Variants in NDNF observed in about 807,000 individuals in gnomAD.
NDNF encodes neuron derived neurotrophic factor, also known as protein NDNF.
In NDNF, 16 loss-of-function variants were observed where a neutral mutation model predicts 42.0. That is an observed-to-expected ratio of 0.38 (90% CI 0.26 to 0.58). The LOEUF (loss-of-function observed/expected upper bound fraction) is 0.58. Ranked by LOEUF, NDNF falls within the 20% of genes least tolerant of loss-of-function variation. NDNF has a pLI of 0.67. For missense variants in NDNF, 616 were observed against 666.2 expected, an observed-to-expected ratio of 0.92 and a Z score of 0.83; for synonymous variants, 248 against 251.7, an observed-to-expected ratio of 0.99 and a Z score of 0.14.
chr4:121,049,622 C>A (rs1326478978), intron 1 of NDNF, among the ~76,000 whole-genome samples: 2 of 152,160 alleles, frequency 1.3e-5, no homozygotes, highest in African/African-American at 4.8e-5. Flanking sequence ...AATCTCAAGT[C>A]TTTCATAGTC....
chr4:121,039,218 A>AC (rs368947540), intron 3 of NDNF, among the ~76,000 whole-genome samples: 853 of 41,434 alleles, frequency 0.021, 122 homozygotes, highest in Non-Finnish European at 0.049. Flanking sequence ...ATATATATAT[A>AC]TATATATATA....
chr4:121,039,972 T>C lies in NDNF; in HGVS notation c.271A>G (p.Ser91Gly). The change falls in exon 3 of 4, where the codon AGC becomes GGC. Residue 91 changes from serine to glycine, a missense_variant. Physicochemically the swap from Ser to Gly is moderately conservative, Grantham distance 56 (BLOSUM62 0). Coordinates refer to ENST00000379692, the MANE Select transcript of NDNF (RefSeq NM_024574.4). ...PCDAPLEWKL[S>G]LQELPEDRSG... ...CTGTCCTCTGGCAGCTCCTGGAGGC[T>C]CAGCTTCCACTCCAAAGGCGCATCA... 1 of 1,614,078 alleles carries C rather than the reference T, an allele frequency of 6.2e-7. No individual in the cohort carries two copies. Among genetic ancestry groups the C allele is most frequent in the Non-Finnish European group, 8.5e-7 (1 of 1,179,992 alleles).
intron 1 of NDNF, among the ~76,000 whole-genome samples, chr4:121,052,210 C>T (rs1727210214): frequency 6.6e-6 from 1 of 152,112 alleles, no homozygotes; most frequent in African/African-American, 2.4e-5. Context: ...AGATTCATCA[C>T]TATAAATATA....
chr4:121,064,994 A>G (rs913489215), intron 1 of NDNF, among the ~76,000 whole-genome samples: 11 of 152,230 alleles, frequency 7.2e-5, no homozygotes, highest in Middle Eastern at 3.4e-3. Context: ...GCTATTCACA[A>G]GGGAGATCAT....
chr4:121,036,782 G>A lies in NDNF; in HGVS notation c.1189C>T (p.Leu397=), dbSNP rs759273566. 1.1e-5 allele frequency: 18 copies of A among 1,614,130 alleles called. No homozygotes were observed. Among genetic ancestry groups the A allele is most frequent in the Non-Finnish European group, 1.1e-5 (13 of 1,180,012 alleles). Residue 397 remains leucine (L), a synonymous_variant, in exon 4 of 4, where the codon CTG becomes TTG. Coordinates refer to ENST00000379692, the MANE Select transcript of NDNF (RefSeq NM_024574.4). The stretch of plus-strand genomic sequence containing the variant: ...TGAATGCCTTCCACATTCTGAGACA[G>A]AAGAAGTTTCCCATCTCTTCTCACT... The part of the protein sequence containing the change: ...IQVRRDGKLL[L]SQNVEGIQQF...
intron 1 of NDNF, among the ~76,000 whole-genome samples, chr4:121,068,734 A>C (rs1579325066): frequency 6.6e-6 from 1 of 152,222 alleles, no homozygotes; most frequent in African/African-American, 2.4e-5. Flanking sequence ...AGAGAGAGAG[A>C]GCACTACTTG....
At chr4:121,060,773 G>T (rs533866135) in intron 1 of NDNF, among the ~76,000 whole-genome samples, 2 of 152,280 alleles carry the variant, frequency 1.3e-5, no homozygotes, top group South Asian at 4.1e-4. Context: ...ATATCTGATG[G>T]TCTGGAAGCT....
intron 1 of NDNF, among the ~76,000 whole-genome samples, chr4:121,067,850 T>A (rs1310342009): frequency 6.6e-6 from 1 of 152,246 alleles, no homozygotes; most frequent in East Asian, 1.9e-4. Context: ...TTGCAGTTTT[T>A]AGTAAAGTAC....
At chr4:121,048,246 C>T (rs954121611) in intron 1 of NDNF, among the ~76,000 whole-genome samples, 9 of 152,208 alleles carry the variant, frequency 5.9e-5, no homozygotes, top group African/African-American at 1.9e-4. Flanking sequence ...GCTAGAATTT[C>T]GCTTTCTGTA....
intron 1 of NDNF, among the ~76,000 whole-genome samples, chr4:121,047,753 T>C (rs910738069): frequency 6.6e-6 from 1 of 152,220 alleles, no homozygotes; most frequent in African/African-American, 2.4e-5. Context: ...TGAGACTGAA[T>C]AAACTTTTCT....
At chr4:121,041,311 T>C (rs760246273) in intron 2 of NDNF, among the ~76,000 whole-genome samples, 17 of 152,088 alleles carry the variant, frequency 1.1e-4, no homozygotes, top group Non-Finnish European at 2.4e-4. Flanking sequence ...ATTGATTCCA[T>C]GCAGAGAAAA....
At chr4:121,044,583 A>C (rs943430140) in intron 2 of NDNF, among the ~76,000 whole-genome samples, 1 of 151,990 alleles carries the variant, frequency 6.6e-6, no homozygotes, top group South Asian at 2.1e-4. Flanking sequence ...TGTTGGAGTA[A>C]AGGTAAATAA....
chr4:121,070,316 TA>T (rs1376390979), intron 1 of NDNF, among the ~76,000 whole-genome samples: 2 of 152,204 alleles, frequency 1.3e-5, no homozygotes, highest in Non-Finnish European at 1.5e-5. Context: ...TTCAAGATAA[TA>T]AAACAATTCA....
intron 1 of NDNF, among the ~76,000 whole-genome samples, chr4:121,064,469 A>G (rs1256340808): frequency 6.6e-6 from 1 of 152,236 alleles, no homozygotes; most frequent in Non-Finnish European, 1.5e-5. Flanking sequence ...CACAATATAC[A>G]TAAAAAATGT....
chr4:121,063,451 A>G (rs770897209), intron 1 of NDNF, among the ~76,000 whole-genome samples: 11 of 149,778 alleles, frequency 7.3e-5, no homozygotes, highest in Non-Finnish European at 1.2e-4. Context: ...GTGCACATAA[A>G]CACACACACA....
At chr4:121,060,651 T>C (rs985263936) in intron 1 of NDNF, among the ~76,000 whole-genome samples, 7 of 152,072 alleles carry the variant, frequency 4.6e-5, no homozygotes, top group Admixed American at 3.9e-4. Context: ...ACACTACCAA[T>C]AAATAAAATG....
At chr4:121,068,816 A>G (rs1727542750) in intron 1 of NDNF, among the ~76,000 whole-genome samples, 7 of 152,158 alleles carry the variant, frequency 4.6e-5, no homozygotes, top group Admixed American at 4.6e-4. Context: ...AGCACATATG[A>G]TGTGTAATTC....
At chr4:121,070,356 C>T (rs957780726) in intron 1 of NDNF, among the ~76,000 whole-genome samples, 4 of 152,182 alleles carry the variant, frequency 2.6e-5, no homozygotes, top group Admixed American at 2.0e-4. Flanking sequence ...CAACCGCTCC[C>T]TTGGGAGGGA....
chr4:121,038,556 C>T (rs1177960531), intron 3 of NDNF, among the ~76,000 whole-genome samples: 1 of 152,060 alleles, frequency 6.6e-6, no homozygotes, highest in African/African-American at 2.4e-5. Flanking sequence ...GCTTAGTCTC[C>T]AGGGCTTGGT....
Sources: gnomAD v4.1 joint callset for allele counts (sites outside exome capture counted in the v4.1 genomes callset) on GRCh38, gnomAD v4.1.1 for gene constraint, MANE v1.5 for transcripts, NCBI Gene and HGNC (gene_info 2026-07-23, HGNC 2026-07-21) for gene names.